ZNF529: variants seen among roughly 807,000 people sequenced by gnomAD.
ZNF529 encodes the protein zinc finger protein 529.
ZNF529 carries 11 observed loss-of-function variants against 10.1 expected under a neutral mutation model. The ratio of observed to expected loss-of-function variants is 1.09; its 90% CI spans 0.69 to 1.81. The LOEUF (loss-of-function observed/expected upper bound fraction) is 1.81. ZNF529 is among the 40% of genes most tolerant of loss of function. The pLI is 0.00. For synonymous variants in ZNF529, 204 were observed against 215.7 expected (o/e 0.95, Z 0.47); for missense variants, 624 against 666.8 (o/e 0.94, Z 0.71).
chr19:36,547,306 C>G lies in ZNF529; in HGVS notation c.1252G>C (p.Gly418Arg). ...TCTTTACATTTATAGGGTTTTTCAC[C>G]AGTATGAATCCTCTGATGTCTAGTC... ...SLTRHQRIHT[G>R]EKPYKCKECE... The change falls in exon 5 of 5, where the codon GGT becomes CGT. Residue 418 changes from glycine to arginine, a missense_variant. By Grantham distance (125) the Gly-to-Arg change is moderately radical. Coordinates refer to ENST00000591340, the MANE Select transcript of ZNF529 (RefSeq NM_020951.5). The G allele has an allele frequency of 2.5e-6, 4 of 1,613,798 alleles. No individual in the cohort carries two copies. The highest frequency in any genetic ancestry group is 1.1e-5 in the South Asian group (1 of 91,082).
At chr19:36,563,366 T>C (rs1045862291) in intron 2 of ZNF529, among the ~76,000 whole-genome samples, 4 of 147,610 alleles carry the variant, frequency 2.7e-5, no homozygotes, top group African/African-American at 1.0e-4. Context: ...GAGGTTGCAG[T>C]AAGCCGAGAT....
upstream of ZNF529, chr19:36,574,800 G>T (rs1021236728): frequency 4.3e-6 from 2 of 470,330 alleles, no homozygotes; most frequent in African/African-American, 4.0e-5. Flanking sequence ...TTCTGTTGTT[G>T]AACATTTGGC....
rs142900734 is a variant in ZNF529 at position 36,545,318 on chromosome 19, G to A, written c.*1548C>T. ...TGAGGCGGGTGGATCACCTGAGGTC[G>A]GGAGTTTGAGACCAGACTGACCAAC... is the stretch of plus-strand genomic sequence containing the variant. On this transcript the variant is annotated 3_prime_UTR_variant, in exon 5 of 5. Coordinates refer to ENST00000591340, the MANE Select transcript of ZNF529 (RefSeq NM_020951.5). The A allele has an allele frequency of 2.8e-3, 420 of 152,220 alleles. 9 individuals carry two copies. In the East Asian group the frequency reaches 0.072, roughly 26 times the overall value. The allele number at this position is 152,220 out of a possible 1,614,324, so 9.4% of individuals were successfully genotyped here. A position where few individuals can be genotyped will look rare whatever the true frequency, so the allele number is the denominator to read the frequency against.
upstream of ZNF529, chr19:36,573,423 A>G (rs1209653452): frequency 2.1e-6 from 1 of 470,366 alleles, no homozygotes; most frequent in East Asian, 6.9e-5. Flanking sequence ...ACCACGCCCC[A>G]GACCCTGGAG....
intron 4 of ZNF529, among the ~76,000 whole-genome samples, chr19:36,554,180 G>A (rs1227139062): frequency 6.6e-6 from 1 of 152,224 alleles, no homozygotes; most frequent in Non-Finnish European, 1.5e-5. Context: ...AAGGGCCTAA[G>A]AAGGTAAGAA....
chr19:36,553,772 A>G (rs972685265), intron 4 of ZNF529, among the ~76,000 whole-genome samples: 1 of 152,266 alleles, frequency 6.6e-6, no homozygotes, highest in Non-Finnish European at 1.5e-5. Flanking sequence ...CAGGTTGTAC[A>G]TGCCGAATCT....
intron 2 of ZNF529, among the ~76,000 whole-genome samples, chr19:36,588,751 T>G (rs1441857694): frequency 2.6e-5 from 4 of 152,118 alleles, no homozygotes; most frequent in Non-Finnish European, 5.9e-5. Flanking sequence ...AAGAGAAACT[T>G]TCTCTGAAGT....
intron 3 of ZNF529, 46 bp from the exon 4 acceptor site, chr19:36,554,842 T>G: frequency 6.8e-7 from 1 of 1,466,300 alleles, no homozygotes; most frequent in Non-Finnish European, 9.1e-7. Flanking sequence ...TAAGGAAATA[T>G]TTTTGAGAAA....
intron 2 of ZNF529, among the ~76,000 whole-genome samples, chr19:36,571,002 C>T (rs1217402936): frequency 1.3e-5 from 2 of 152,068 alleles, no homozygotes; most frequent in Admixed American, 1.3e-4. Flanking sequence ...AACTATTAAC[C>T]CCTTTGAAAT....
chr19:36,597,549 A>G (rs2036859898), intron 1 of ZNF529, among the ~76,000 whole-genome samples: 1 of 152,164 alleles, frequency 6.6e-6, no homozygotes, highest in Non-Finnish European at 1.5e-5. Context: ...CAATCCAGCA[A>G]TTCTACCCCT....
At chr19:36,562,848 AAAG>A (rs1304395245) in intron 2 of ZNF529, among the ~76,000 whole-genome samples, 1 of 151,082 alleles carries the variant, frequency 6.6e-6, no homozygotes, top group East Asian at 2.0e-4. Flanking sequence ...AAAAAAAAAA[AAAG>A]AAGGTGGAGC....
chr19:36,552,185 C>T (rs1422474666), intron 4 of ZNF529, among the ~76,000 whole-genome samples: 1 of 152,128 alleles, frequency 6.6e-6, no homozygotes, highest in Non-Finnish European at 1.5e-5. Context: ...AATCCCACCA[C>T]TTTGGGAGGC....
intron 2 of ZNF529, among the ~76,000 whole-genome samples, chr19:36,585,644 A>T (rs2036563572): frequency 6.6e-6 from 1 of 152,218 alleles, no homozygotes; most frequent in African/African-American, 2.4e-5. Context: ...AAGCTGGAAA[A>T]TTGCTTTGTA....
intron 4 of ZNF529, among the ~76,000 whole-genome samples, chr19:36,553,931 A>C (rs573054646): frequency 6.6e-6 from 1 of 152,250 alleles, no homozygotes; most frequent in South Asian, 2.1e-4. Context: ...GTCTATGTGT[A>C]TAAAGTGTAC....
chr19:36,570,195 T>G (rs1455690535), intron 2 of ZNF529, among the ~76,000 whole-genome samples: 3 of 151,472 alleles, frequency 2.0e-5, no homozygotes, highest in Non-Finnish European at 2.9e-5. Flanking sequence ...ACCCCATCTA[T>G]ACAAATAATA....
chr19:36,557,502 A>C (rs2035523275), intron 2 of ZNF529, among the ~76,000 whole-genome samples: 1 of 152,114 alleles, frequency 6.6e-6, no homozygotes, highest in Admixed American at 6.6e-5. Flanking sequence ...CCCTTATAAA[A>C]CCATCAGCTC....
intron 1 of ZNF529, among the ~76,000 whole-genome samples, chr19:36,592,898 C>T (rs1157654425): frequency 6.6e-6 from 1 of 152,040 alleles, no homozygotes; most frequent in Non-Finnish European, 1.5e-5. Context: ...GGACAAAATA[C>T]AATATCCCTT....
At chr19:36,566,479 G>C (rs1017902156) in intron 2 of ZNF529, among the ~76,000 whole-genome samples, 2 of 151,996 alleles carry the variant, frequency 1.3e-5, no homozygotes, top group African/African-American at 4.8e-5. Context: ...CTTGAGCCCA[G>C]GAGTTCAAGA....
chr19:36,569,601 C>G (rs576116058), intron 2 of ZNF529, among the ~76,000 whole-genome samples: 1 of 150,164 alleles, frequency 6.7e-6, no homozygotes, highest in East Asian at 2.0e-4. Context: ...CCTGTCTCTA[C>G]TAAAAAAAAA....
Sources: allele counts gnomAD v4.1 joint callset (sites outside exome capture counted in the v4.1 genomes callset), GRCh38; gene constraint gnomAD v4.1.1; transcripts MANE v1.5; gene names NCBI Gene and HGNC (gene_info 2026-07-23, HGNC 2026-07-21).